The following DNM2 variants were observed in gnomAD, a reference collection of about 807,000 sequenced individuals.
The protein encoded by DNM2 is dynamin-2.
DNM2 carries 15 observed loss-of-function variants against 99.0 expected under a neutral mutation model. The ratio of observed to expected loss-of-function variants is 0.15; its 90% CI spans 0.10 to 0.23. The LOEUF (loss-of-function observed/expected upper bound fraction) is 0.23. Ranked by LOEUF, DNM2 falls within the 10% of genes least tolerant of loss-of-function variation. The pLI, the probability that DNM2 is intolerant of heterozygous loss-of-function variation, is 1.00. For synonymous variants in DNM2, 525 were observed against 481.2 expected (o/e 1.09, Z -1.19); for missense variants, 742 against 1,189.4 (o/e 0.62, Z 5.53).
At chr19:10,754,650 C>T (rs959101764) in intron 1 of DNM2, among the ~76,000 whole-genome samples, 5 of 152,058 alleles carry the variant, frequency 3.3e-5, no homozygotes, top group African/African-American at 9.7e-5. Flanking sequence ...AGTGCAACGG[C>T]GCAATCATGG....
At chr19:10,770,206 G>A (rs144745803) in intron 2 of DNM2, among the ~76,000 whole-genome samples, 1 of 152,196 alleles carries the variant, frequency 6.6e-6, no homozygotes, top group Non-Finnish European at 1.5e-5. Context: ...ACCTGGCTGG[G>A]TGTTCATCTC....
chr19:10,760,827 A>ATTTTTTTCTTTTTTTTTTTTTTTTT lies in DNM2; in HGVS notation c.235+1023_235+1024insCTTTTTTTTTTTTTTTTTTTTTTTT, dbSNP rs2070600776. Among the ~76,000 whole-genome samples, 2 of 41,260 alleles carry ATTTTTTTCTTTTTTTTTTTTTTTTT rather than the reference A, an allele frequency of 4.8e-5. 1 individual carries two copies. The highest frequency in any genetic ancestry group is 8.3e-5 in the Non-Finnish European group (2 of 24,158). The allele number at this position is 41,260 out of a possible 152,430, so 27.1% of individuals were successfully genotyped here. A position where few individuals can be genotyped will look rare whatever the true frequency, so the allele number is the denominator to read the frequency against. Reference sequence around the variant, plus strand: ...GTGCACACACCACCACACCCAGCTGATTTTTTTTTTTTTTTTTGGTAGAGA... The same window carrying ATTTTTTTCTTTTTTTTTTTTTTTTT: ...GTGCACACACCACCACACCCAGCTGATTTTTTTCTTTTTTTTTTTTTTTTTTTTTTTTTTTTTTTTTTGGTAGAGA... On this transcript the variant is annotated intron_variant, in intron 2 of 20. Coordinates refer to ENST00000389253, the MANE Select transcript of DNM2 (RefSeq NM_001005361.3).
At position 10,718,237 on chromosome 19, in the gene DNM2, G is replaced by A; in HGVS notation, c.-6G>A. Reference sequence around the variant, plus strand: ...CAGGGCGCTCGGGCCGGGGGCCGCCGGCGCCATGGGCAACCGCGGGATGGA... The same window carrying A: ...CAGGGCGCTCGGGCCGGGGGCCGCCAGCGCCATGGGCAACCGCGGGATGGA... On this transcript the variant is annotated 5_prime_UTR_variant, in exon 1 of 21. Transcript: ENST00000389253. 1 of 1,468,450 alleles carries A rather than the reference G, an allele frequency of 6.8e-7. No individual in the cohort carries two copies. The highest frequency in any genetic ancestry group is 9.0e-7 in the Non-Finnish European group (1 of 1,107,132). 91.0% of individuals were successfully genotyped at this position (1,468,450 alleles called of 1,614,324 possible). A position where few individuals can be genotyped will look rare whatever the true frequency, so the allele number is the denominator to read the frequency against.
chr19:10,756,026 T>G (rs1227081062), intron 1 of DNM2, among the ~76,000 whole-genome samples: 1 of 152,062 alleles, frequency 6.6e-6, no homozygotes, highest in Non-Finnish European at 1.5e-5. Context: ...TCCCTACCTG[T>G]GAGCTAGGTG....
At chr19:10,750,516 C>T (rs1231549321) in intron 1 of DNM2, among the ~76,000 whole-genome samples, 1 of 152,022 alleles carries the variant, frequency 6.6e-6, no homozygotes, top group Non-Finnish European at 1.5e-5. Context: ...TGACATATAC[C>T]TGTAGTCATA....
intron 1 of DNM2, among the ~76,000 whole-genome samples, chr19:10,733,049 A>C (rs1216184319): frequency 1.3e-5 from 2 of 151,582 alleles, no homozygotes; most frequent in Non-Finnish European, 2.9e-5. Flanking sequence ...ATGCCCAGCT[A>C]ATTTTTGTAG....
At chr19:10,794,824 T>C (rs1260983106) in intron 8 of DNM2, among the ~76,000 whole-genome samples, 2 of 152,248 alleles carry the variant, frequency 1.3e-5, no homozygotes, top group Non-Finnish European at 2.9e-5. Context: ...CTGAAAAATC[T>C]AAGTTTACAT....
chr19:10,831,090 C>CG lies in DNM2; in HGVS notation c.*45dup. ...CTCTCGGGGGGGCCTCACGCACCCG[C>CG]GGCGCAGGAGCTTCAGTGGTCTGGG... On this transcript the variant is annotated 3_prime_UTR_variant, in exon 21 of 21. Coordinates refer to ENST00000389253, the MANE Select transcript of DNM2 (RefSeq NM_001005361.3). The surrounding 1 kb of genome is among the most constrained non-coding windows in gnomAD (Gnocchi z 4.3). The CG allele has an allele frequency of 6.4e-7, 1 of 1,559,464 alleles. No homozygotes were observed. Among genetic ancestry groups the CG allele is most frequent in the Non-Finnish European group, 8.7e-7 (1 of 1,152,450 alleles).
rs190006030 is a variant in DNM2 at position 10,767,195 on chromosome 19, G to T, written c.236-5284G>T. On this transcript the variant is annotated intron_variant, in intron 2 of 20. Coordinates refer to ENST00000389253, the MANE Select transcript of DNM2 (RefSeq NM_001005361.3). ...GAACTCAGTGTTAAGGCCTCTGGCTGATTCTTTGGGCCAGTGGATTGTTAA... is the reference window on the plus strand; with the variant it reads ...GAACTCAGTGTTAAGGCCTCTGGCTTATTCTTTGGGCCAGTGGATTGTTAA... 1.4e-3 allele frequency among the ~76,000 whole-genome samples: 209 copies of T among 149,932 alleles called. 1 individual carries two copies. Among genetic ancestry groups the T allele is most frequent in the Non-Finnish European group, 2.4e-3 (162 of 67,480 alleles).
intron 1 of DNM2, among the ~76,000 whole-genome samples, chr19:10,749,305 C>T (rs1001733725): frequency 1.3e-5 from 2 of 152,216 alleles, no homozygotes; most frequent in South Asian, 2.1e-4. Flanking sequence ...GTTCAAAAAA[C>T]GGTAAATAAA....
chr19:10,812,495 AG>A lies in DNM2; in HGVS notation c.1671+120del. 1.2e-6 allele frequency: 1 copy of A among 833,648 alleles called. No homozygotes were observed. The highest frequency in any genetic ancestry group is 1.9e-6 in the Non-Finnish European group (1 of 527,896). The allele number at this position is 833,648 out of a possible 1,614,324, so 51.6% of individuals were successfully genotyped here. A position where few individuals can be genotyped will look rare whatever the true frequency, so the allele number is the denominator to read the frequency against. ...CGCCACTCTGCCCTGAGTCACCATT[AG>A]GACTGTAACTCGCCGGGCACGGTGG... is the stretch of plus-strand genomic sequence containing the variant. On this transcript the variant is annotated intron_variant, in intron 15 of 20. Transcript: ENST00000389253. The surrounding 1 kb of genome is among the most constrained non-coding windows in gnomAD (Gnocchi z 4.0).
Position 10,830,011 on chromosome 19 carries a change from T to A in DNM2, c.2292-116T>A. 1 of 1,480,614 alleles carries A rather than the reference T, an allele frequency of 6.8e-7. No homozygotes were observed. The highest frequency in any genetic ancestry group is 9.4e-7 in the Non-Finnish European group (1 of 1,060,108). The allele number at this position is 1,480,614 out of a possible 1,614,324, so 91.7% of individuals were successfully genotyped here. A position where few individuals can be genotyped will look rare whatever the true frequency, so the allele number is the denominator to read the frequency against. On this transcript the variant is annotated intron_variant, in intron 19 of 20. Coordinates refer to ENST00000389253, the MANE Select transcript of DNM2 (RefSeq NM_001005361.3). The surrounding 1 kb of genome is among the most constrained non-coding windows in gnomAD (Gnocchi z 4.8). ...TCAGGTTGGGGTGGGAGGATCCCAC[T>A]GCGCCTGCGCTGTCCCCATAGCCAG...
rs1453573210 is a variant in DNM2 at position 10,765,969 on chromosome 19, G to A, written c.235+6158G>A. 2.0e-5 allele frequency among the ~76,000 whole-genome samples: 3 copies of A among 152,212 alleles called. No homozygotes were observed. Among genetic ancestry groups the A allele is most frequent in the Non-Finnish European group, 4.4e-5 (3 of 68,044 alleles). On this transcript the variant is annotated intron_variant, in intron 2 of 20. Transcript: ENST00000389253. The surrounding 1 kb of genome is among the most constrained non-coding windows in gnomAD (Gnocchi z 4.4). ...GTTCCCTGAGACTAACAGCTGAGCCGTGTTTGTGCTCCTGATGGGATTTGA... is the reference window on the plus strand; with the variant it reads ...GTTCCCTGAGACTAACAGCTGAGCCATGTTTGTGCTCCTGATGGGATTTGA...
chr19:10,814,471 A>G lies in DNM2; in HGVS notation c.1671+2094A>G, dbSNP rs540330622. Among the ~76,000 whole-genome samples, 43 of 152,314 alleles carry G rather than the reference A, an allele frequency of 2.8e-4. No individual in the cohort carries two copies. In the East Asian group the frequency reaches 7.3e-3, roughly 26 times the overall value. The stretch of plus-strand genomic sequence containing the variant: ...AAGAGTGAAAGTGTGTCTCAAAGAA[A>G]AAAAAACACCAGACAATTGTTGTTA... On this transcript the variant is annotated intron_variant, in intron 15 of 20. Coordinates refer to ENST00000389253, the MANE Select transcript of DNM2 (RefSeq NM_001005361.3).
At chr19:10,793,209 T>C in intron 7 of DNM2, among the ~76,000 whole-genome samples, 1 of 152,048 alleles carries the variant, frequency 6.6e-6, no homozygotes, top group East Asian at 1.9e-4. Flanking sequence ...ACGAAGGAGG[T>C]AGATGTTGTT....
chr19:10,798,020 A>G (rs948288442), intron 10 of DNM2, among the ~76,000 whole-genome samples: 3 of 152,124 alleles, frequency 2.0e-5, no homozygotes, highest in Admixed American at 2.0e-4. Flanking sequence ...AGTGTGTGCC[A>G]CAGATACAGT....
At chr19:10,747,696 G>A (rs1215593902) in intron 1 of DNM2, among the ~76,000 whole-genome samples, 2 of 152,234 alleles carry the variant, frequency 1.3e-5, no homozygotes, top group African/African-American at 2.4e-5. Context: ...AGAAGGGGCC[G>A]ATACGGGACC....
chr19:10,819,314 C>T (rs1221218059), intron 15 of DNM2, among the ~76,000 whole-genome samples: 1 of 152,158 alleles, frequency 6.6e-6, no homozygotes, highest in Non-Finnish European at 1.5e-5. Context: ...GGCCCAGGAC[C>T]TATCCAGCCC....
intron 15 of DNM2, among the ~76,000 whole-genome samples, chr19:10,813,220 T>C (rs73007582): frequency 6.6e-6 from 1 of 152,172 alleles, no homozygotes; most frequent in Non-Finnish European, 1.5e-5. Context: ...GGCCCCTGGG[T>C]GATGACTGCA....
Sources: gnomAD v4.1 joint callset for allele counts (sites outside exome capture counted in the v4.1 genomes callset) on GRCh38, gnomAD v4.1.1 for gene constraint, Gnocchi (gnomAD v3.1) non-coding constraint, MANE v1.5 for transcripts, NCBI Gene and HGNC (gene_info 2026-07-23, HGNC 2026-07-21) for gene names.